The following COG2 variants were observed in gnomAD, a reference collection of about 807,000 sequenced individuals.
COG2 encodes conserved oligomeric Golgi complex subunit 2.
In COG2, 52 loss-of-function variants were observed where a neutral mutation model predicts 90.6. That is an observed-to-expected ratio of 0.57 (90% CI 0.46 to 0.72). The LOEUF is 0.72. COG2 is among the 30% of genes least tolerant of loss of function. The pLI, the probability that COG2 is intolerant of heterozygous loss-of-function variation, is 0.00. For synonymous variants in COG2, 337 were observed against 320.4 expected, an observed-to-expected ratio of 1.05 and a Z score of -0.55; for missense variants, 829 against 891.2, an observed-to-expected ratio of 0.93 and a Z score of 0.89.
intron 1 of COG2, among the ~76,000 whole-genome samples, chr1:230,651,650 G>T (rs1661916714): frequency 6.6e-6 from 1 of 152,104 alleles, no homozygotes; most frequent in African/African-American, 2.4e-5. Flanking sequence ...AGTATAAAGA[G>T]AAATGATTTT....
At chr1:230,673,582 A>T (rs1423567832) in intron 8 of COG2, among the ~76,000 whole-genome samples, 2 of 152,208 alleles carry the variant, frequency 1.3e-5, no homozygotes, top group Non-Finnish European at 2.9e-5. Flanking sequence ...AAATGTTGTC[A>T]TTTAATAGTG....
At chr1:230,661,836 CTT>C in intron 3 of COG2, among the ~76,000 whole-genome samples, 1 of 152,220 alleles carries the variant, frequency 6.6e-6, no homozygotes, top group East Asian at 1.9e-4. Context: ...TTTAAAAAAG[CTT>C]TTAAAGTACT....
At chr1:230,687,811 C>T (rs987200554) in intron 13 of COG2, among the ~76,000 whole-genome samples, 10 of 152,086 alleles carry the variant, frequency 6.6e-5, no homozygotes, top group East Asian at 3.8e-4. Context: ...TATTATGGAG[C>T]GCCATAGAGT....
chr1:230,684,039 C>G (rs1974071), intron 11 of COG2, among the ~76,000 whole-genome samples: 38,864 of 151,926 alleles, frequency 0.26, 5,576 homozygotes, highest in East Asian at 0.58. Flanking sequence ...GATTCACCCC[C>G]CCTTGGCCTT....
intron 11 of COG2, among the ~76,000 whole-genome samples, chr1:230,683,840 G>A (rs1662817379): frequency 6.6e-6 from 1 of 151,520 alleles, no homozygotes; most frequent in African/African-American, 2.4e-5. Context: ...TGCCCAGGCT[G>A]GAGTGCAATG....
chr1:230,683,770 A>G (rs1571961823), intron 11 of COG2, 135 bp downstream of exon 11: 1 of 638,548 alleles, frequency 1.6e-6, no homozygotes, highest in East Asian at 2.9e-5. Flanking sequence ...TTGGACCTTA[A>G]AAATCACTTA....
At chr1:230,643,922 G>A (rs2102737483) in intron 1 of COG2, among the ~76,000 whole-genome samples, 1 of 152,298 alleles carries the variant, frequency 6.6e-6, no homozygotes, top group African/African-American at 2.4e-5. Context: ...ACATGCTGGG[G>A]AGAGGTGCCC....
chr1:230,643,946 G>T (rs967345869), intron 1 of COG2, among the ~76,000 whole-genome samples: 1 of 152,124 alleles, frequency 6.6e-6, no homozygotes, highest in African/African-American at 2.4e-5. Flanking sequence ...AAGAGGAAAG[G>T]CCATACACGG....
At chr1:230,680,791 T>C (rs1242983673) in intron 10 of COG2, 2 of 152,238 alleles carry the variant, frequency 1.3e-5, no homozygotes, top group Non-Finnish European at 2.9e-5. Context: ...TGTAGAACTT[T>C]TCTATTGATT....
At position 230,669,471 on chromosome 1, in the gene COG2, T is replaced by C. The variant is rs1662396831; in HGVS notation, c.710T>C (p.Ile237Thr). 6.2e-7 allele frequency: 1 copy of C among 1,614,076 alleles called. No individual in the cohort carries two copies. The highest frequency in any genetic ancestry group is 8.5e-7 in the Non-Finnish European group (1 of 1,179,964). ...IRHCLRTYAT[I>T]DKTRDAEALV... ...CACTGCTTGCGGACTTACGCCACGATTGACAAGACACGGGACGCGGAGGCC... is the reference window on the plus strand; with the variant it reads ...CACTGCTTGCGGACTTACGCCACGACTGACAAGACACGGGACGCGGAGGCC... The change falls in exon 7 of 18, where the codon ATT (isoleucine) becomes ACT (threonine). Residue 237 changes from isoleucine (I) to threonine (T), a missense_variant. Transcript: ENST00000366669.
chr1:230,642,650 T>G lies in COG2; in HGVS notation c.44T>G (p.Leu15Arg). 1 of 1,613,212 alleles carries G rather than the reference T, an allele frequency of 6.2e-7. No individual in the cohort carries two copies. ...RMNLPKGPDT[L>R]CFDKDEFMKE... ...AACCTGCCCAAGGGGCCGGACACGC[T>G]CTGCTTCGACAAGGACGAGTTCATG... The change falls in exon 1 of 18, where the codon CTC becomes CGC. Residue 15 changes from leucine (L) to arginine (R), a missense_variant. By Grantham distance (102) the Leu-to-Arg change is moderately radical (BLOSUM62 -2). Coordinates refer to ENST00000366669, the MANE Select transcript of COG2 (RefSeq NM_007357.3).
At chr1:230,643,214 C>T (rs187303465) in intron 1 of COG2, among the ~76,000 whole-genome samples, 1 of 152,358 alleles carries the variant, frequency 6.6e-6, no homozygotes, top group African/African-American at 2.4e-5. Context: ...AACCATTACT[C>T]TTTAAAGAAG....
chr1:230,682,284 T>C (rs929808534), intron 10 of COG2: 5 of 152,242 alleles, frequency 3.3e-5, no homozygotes, highest in Non-Finnish European at 7.3e-5. Context: ...GATTGAGCTC[T>C]AGGTGCTGGT....
intron 9 of COG2, 47 bp from the exon 10 acceptor site, chr1:230,678,866 C>A: frequency 6.3e-7 from 1 of 1,595,726 alleles, no homozygotes; most frequent in Non-Finnish European, 8.5e-7. Context: ...GCTCCCTGTT[C>A]TAGTTAGTGT....
chr1:230,644,229 G>C (rs1887491), intron 1 of COG2, among the ~76,000 whole-genome samples: 33,062 of 151,992 alleles, frequency 0.22, 4,154 homozygotes, highest in Admixed American at 0.3. Flanking sequence ...GTGAATATGC[G>C]GTACATTTTG....
At chr1:230,688,691 A>C (rs780309048) in intron 15 of COG2, 129 bp downstream of exon 15, 8 of 1,047,216 alleles carry the variant, frequency 7.6e-6, no homozygotes, top group Non-Finnish European at 9.9e-6. Context: ...TCCCATTCTG[A>C]GAATGGTATT....
intron 1 of COG2, among the ~76,000 whole-genome samples, chr1:230,654,801 A>G (rs919134488): frequency 1.3e-5 from 2 of 152,176 alleles, no homozygotes; most frequent in African/African-American, 4.8e-5. Flanking sequence ...CTCCTTGAAG[A>G]GGTCCTTCAC....
At chr1:230,647,302 A>AT (rs576915494) in intron 1 of COG2, among the ~76,000 whole-genome samples, 142 of 152,162 alleles carry the variant, frequency 9.3e-4, no homozygotes, top group Middle Eastern at 3.2e-3. Context: ...GTCTTGGAAT[A>AT]TATCTCCCTC....
At chr1:230,650,164 G>A (rs1661878573) in intron 1 of COG2, among the ~76,000 whole-genome samples, 1 of 152,164 alleles carries the variant, frequency 6.6e-6, no homozygotes, top group Non-Finnish European at 1.5e-5. Flanking sequence ...TGTGAATAGG[G>A]CTTCAATAAA....
Sources: gnomAD v4.1 joint callset for allele counts (sites outside exome capture counted in the v4.1 genomes callset) on GRCh38, gnomAD v4.1.1 for gene constraint, MANE v1.5 for transcripts, NCBI Gene and HGNC (gene_info 2026-07-23, HGNC 2026-07-21) for gene names.